Variants in RPS6KC1 observed in about 807,000 individuals in gnomAD.
RPS6KC1 encodes inactive ribosomal protein S6 kinase delta-1.
Under a neutral mutation model 103.8 loss-of-function variants are expected in RPS6KC1, and 54 were observed. That is an observed-to-expected ratio of 0.52 (90% CI 0.42 to 0.65). RPS6KC1 has a LOEUF of 0.65. Among genes scored for constraint, RPS6KC1 ranks in the 30% least tolerant of loss-of-function variants. The pLI is 0.00. For missense variants in RPS6KC1, 1,151 were observed against 1,253.8 expected (o/e 0.92, Z 1.24); for synonymous variants, 439 against 438.7 (o/e 1.00, Z -0.01).
At chr1:213,345,966 A>G in the RPS6KC1 span, among the ~76,000 whole-genome samples, 5,258 of 152,248 alleles carry the variant, frequency 0.035, 301 homozygotes, top group African/African-American at 0.12. Flanking sequence ...TAAGCTTTTT[A>G]TTGTGTAATA....
At chr1:213,699,628 T>G in the RPS6KC1 span, among the ~76,000 whole-genome samples, 1 of 152,084 alleles carries the variant, frequency 6.6e-6, no homozygotes, top group Admixed American at 6.6e-5. Context: ...TATGAGGAAC[T>G]TCCAAACTAT....
At chr1:213,602,948 A>G in the RPS6KC1 span, among the ~76,000 whole-genome samples, 1 of 152,206 alleles carries the variant, frequency 6.6e-6, no homozygotes, top group Admixed American at 6.5e-5. Flanking sequence ...GCTTAACTGC[A>G]GTGAGTAAAG....
chr1:213,543,197 G>A, the RPS6KC1 span, among the ~76,000 whole-genome samples: 2,336 of 152,316 alleles, frequency 0.015, 67 homozygotes, highest in African/African-American at 0.054. Context: ...GAAAAGCTGG[G>A]TTGGGCTTGG....
chr1:213,272,729 A>G lies in RPS6KC1; in HGVS notation c.*95A>G. The G allele has an allele frequency of 1.2e-6, 1 of 859,028 alleles. No homozygotes were observed. The highest frequency in any genetic ancestry group is 2.5e-5 in the East Asian group (1 of 39,552). The allele number at this position is 859,028 out of a possible 1,614,324, so 53.2% of individuals were successfully genotyped here. On this transcript the variant is annotated 3_prime_UTR_variant, in exon 15 of 15. Transcript: ENST00000366960. Reference sequence around the variant, plus strand: ...TCTGACTCACAGTTACTTATGGAGCACCAAAGCATTTGGATAAAGACCGTT... The same window carrying G: ...TCTGACTCACAGTTACTTATGGAGCGCCAAAGCATTTGGATAAAGACCGTT...
chr1:213,627,859 A>G, the RPS6KC1 span, among the ~76,000 whole-genome samples: 1 of 152,240 alleles, frequency 6.6e-6, no homozygotes, highest in Non-Finnish European at 1.5e-5. Context: ...ATCGATGTTC[A>G]TCAGGGATAT....
the RPS6KC1 span, among the ~76,000 whole-genome samples, chr1:213,457,557 G>A: frequency 6.6e-6 from 1 of 152,176 alleles, no homozygotes; most frequent in Non-Finnish European, 1.5e-5. Context: ...ACCCACTTCT[G>A]CAACTGACCA....
chr1:213,746,843 C>T, the RPS6KC1 span, among the ~76,000 whole-genome samples: 360 of 152,192 alleles, frequency 2.4e-3, 1 homozygote, highest in Admixed American at 6.5e-3. Context: ...ATTGAAAGAG[C>T]TGAGATTCTC....
chr1:213,118,551 A>G (rs546861065), intron 5 of RPS6KC1, among the ~76,000 whole-genome samples: 1 of 152,240 alleles, frequency 6.6e-6, no homozygotes, highest in Admixed American at 6.5e-5. Context: ...GTCATACAGC[A>G]GCAGCCACAC....
At chr1:213,763,403 G>A in the RPS6KC1 span, among the ~76,000 whole-genome samples, 1 of 152,254 alleles carries the variant, frequency 6.6e-6, no homozygotes, top group African/African-American at 2.4e-5. Context: ...CGAGCTGATG[G>A]CACTTGCCCA....
the RPS6KC1 span, among the ~76,000 whole-genome samples, chr1:213,317,462 C>G: frequency 1.8e-3 from 277 of 152,306 alleles, 1 homozygote; most frequent in African/African-American, 6.5e-3. Flanking sequence ...CAAGCTCTTT[C>G]ACGTCTCAAG....
intron 13 of RPS6KC1, among the ~76,000 whole-genome samples, chr1:213,261,960 GTATTAAAATTC>G (rs1274435101): frequency 6.6e-6 from 1 of 152,156 alleles, no homozygotes; most frequent in African/African-American, 2.4e-5. Context: ...ATGTAAGGAT[GTATTAAAATTC>G]TCTGGATGTT....
the RPS6KC1 span, among the ~76,000 whole-genome samples, chr1:213,389,799 A>G: frequency 6.6e-6 from 1 of 152,124 alleles, no homozygotes; most frequent in Admixed American, 6.5e-5. Flanking sequence ...GCAAAGGGCA[A>G]TCTGGGTTTA....
At chr1:213,725,108 A>C in the RPS6KC1 span, among the ~76,000 whole-genome samples, 1 of 152,218 alleles carries the variant, frequency 6.6e-6, no homozygotes, top group African/African-American at 2.4e-5. Context: ...TTACCAGAGG[A>C]CTAATAAATC....
At chr1:213,250,827 TA>T (rs907902988) in intron 12 of RPS6KC1, among the ~76,000 whole-genome samples, 2 of 152,044 alleles carry the variant, frequency 1.3e-5, no homozygotes, top group African/African-American at 2.4e-5. Flanking sequence ...TACAAAAACT[TA>T]AAAAAAATTG....
the RPS6KC1 span, among the ~76,000 whole-genome samples, chr1:213,686,929 T>A: frequency 6.7e-6 from 1 of 149,902 alleles, no homozygotes. Context: ...CCTCTTCCTT[T>A]TAGACCATAT....
At chr1:213,408,601 A>G in the RPS6KC1 span, among the ~76,000 whole-genome samples, 1 of 152,182 alleles carries the variant, frequency 6.6e-6, no homozygotes, top group Non-Finnish European at 1.5e-5. Flanking sequence ...ACCAACTATC[A>G]TCTGCTCTTC....
chr1:213,375,032 CACAT>C, the RPS6KC1 span, among the ~76,000 whole-genome samples: 2 of 151,926 alleles, frequency 1.3e-5, no homozygotes, highest in African/African-American at 4.8e-5. Flanking sequence ...CACATACACA[CACAT>C]ACACATACAT....
chr1:213,479,902 A>G, the RPS6KC1 span, among the ~76,000 whole-genome samples: 1 of 151,906 alleles, frequency 6.6e-6, no homozygotes, highest in Non-Finnish European at 1.5e-5. Context: ...TGCCTCCTCT[A>G]TTTTATACAA....
At chr1:213,748,729 A>T in the RPS6KC1 span, among the ~76,000 whole-genome samples, 1 of 152,344 alleles carries the variant, frequency 6.6e-6, no homozygotes, top group African/African-American at 2.4e-5. Flanking sequence ...CTGTTTTTCT[A>T]ATAACATCAT....
Sources: gnomAD v4.1 joint callset for allele counts (sites outside exome capture counted in the v4.1 genomes callset) on GRCh38, gnomAD v4.1.1 for gene constraint, MANE v1.5 for transcripts, NCBI Gene and HGNC (gene_info 2026-07-23, HGNC 2026-07-21) for gene names.